Variants in ZNF749 observed in about 807,000 individuals in gnomAD.
ZNF749 encodes the protein zinc finger protein 749.
ZNF749 carries 8 observed loss-of-function variants against 7.3 expected under a neutral mutation model. That is an observed-to-expected ratio of 1.10 (90% CI 0.64 to 1.98). The LOEUF is 1.98. Ranked by LOEUF, ZNF749 falls within the 30% of genes most tolerant of loss-of-function variation. The pLI is 0.00. For missense variants in ZNF749, 898 were observed against 932.4 expected (o/e 0.96, Z 0.48); for synonymous variants, 310 against 322.4 (o/e 0.96, Z 0.41).
chr19:57,441,164 A>C (rs2088985323), intron 1 of ZNF749, among the ~76,000 whole-genome samples: 1 of 149,104 alleles, frequency 6.7e-6, no homozygotes, highest in Non-Finnish European at 1.5e-5. Context: ...TGGGCTAGGC[A>C]TTGATGATGC....
rs550646619 is a variant in ZNF749, at chr19:57,442,043, T to G, written c.142+32T>G. Reference sequence around the variant, plus strand: ...CCTTCATACCTACTCTGGTGTCTTGTGCTGGGTGCTGTTTTTTTGCTCTTT... The same window carrying G: ...CCTTCATACCTACTCTGGTGTCTTGGGCTGGGTGCTGTTTTTTTGCTCTTT... On this transcript the variant is annotated intron_variant, in intron 2 of 2. Transcript: ENST00000334181. This position sits in a 1 kb window ranked among gnomAD's most constrained non-coding sequence, Gnocchi z 6.6. 1 of 1,602,068 alleles carries G rather than the reference T, an allele frequency of 6.2e-7. No individual in the cohort carries two copies. The highest frequency in any genetic ancestry group is 1.3e-5 in the African/African-American group (1 of 74,216).
upstream of ZNF749, among the ~76,000 whole-genome samples, chr19:57,434,443 T>C (rs1005102369): frequency 1.3e-5 from 2 of 152,216 alleles, no homozygotes; most frequent in Non-Finnish European, 2.9e-5. Context: ...TCCAGGTCTT[T>C]AGATACAAAC....
rs201895891 is a variant in ZNF749, at chr19:57,443,445, G to A, written c.297G>A (p.Leu99=). Residue 99 remains leucine (L), a synonymous_variant, in exon 3 of 3, where the codon CTG becomes CTA. Coordinates refer to ENST00000334181, the MANE Select transcript of ZNF749 (RefSeq NM_001023561.4). ...CSSILKDILH[L]AEHDGTHPEQ... is the part of the protein sequence containing the mutation. ...CAATTCTGAAGGACATTCTGCACCT[G>A]GCTGAGCACGATGGAACACACCCTG... 5.0e-6 allele frequency: 8 copies of A among 1,614,234 alleles called. No individual in the cohort carries two copies. In the African/African-American group the frequency reaches 6.7e-5, roughly 13 times the overall value.
At position 57,444,733 on chromosome 19, in the gene ZNF749, C is replaced by T; in HGVS notation, c.1585C>T (p.His529Tyr). Residue 529 changes from histidine (H) to tyrosine (Y), a missense_variant, in exon 3 of 3, where the codon CAT becomes TAT. Physicochemically the swap from His to Tyr is moderately conservative, Grantham distance 83. Transcript: ENST00000334181. ...AFVRKSHLVQ[H>Y]EKIHTDAFSK... Reference sequence around the variant, plus strand: ...TGTTAGAAAGTCCCACCTAGTTCAGCATGAGAAAATCCACACTGATGCATT... The same window carrying T: ...TGTTAGAAAGTCCCACCTAGTTCAGTATGAGAAAATCCACACTGATGCATT... 1 of 1,613,756 alleles carries T rather than the reference C, an allele frequency of 6.2e-7. No individual in the cohort carries two copies. The highest frequency in any genetic ancestry group is 8.5e-7 in the Non-Finnish European group (1 of 1,179,862).
At position 57,443,849 on chromosome 19, in the gene ZNF749, G is replaced by A; in HGVS notation, c.701G>A (p.Arg234Lys). The change falls in exon 3 of 3, where the codon AGG becomes AAG. Residue 234 changes from arginine (R) to lysine (K), a missense_variant. Coordinates refer to ENST00000334181, the MANE Select transcript of ZNF749 (RefSeq NM_001023561.4). ...YEFSECGELFRYNSNLIKYQQ... is the reference protein window; with the variant it reads ...YEFSECGELFKYNSNLIKYQQ... ...TTCAGTGAATGTGGGGAATTGTTTA[G>A]GTACAACTCCAACCTTATTAAATAT... 6.2e-7 allele frequency: 1 copy of A among 1,613,554 alleles called. No individual in the cohort carries two copies. Among genetic ancestry groups the A allele is most frequent in the Non-Finnish European group, 8.5e-7 (1 of 1,179,654 alleles).
chr19:57,445,596 G>A lies in ZNF749; in HGVS notation c.*111G>A. 1 of 1,478,160 alleles carries A rather than the reference G, an allele frequency of 6.8e-7. No individual in the cohort carries two copies. Among genetic ancestry groups the A allele is most frequent in the Middle Eastern group, 2.4e-4 (1 of 4,248 alleles). The allele number at this position is 1,478,160 out of a possible 1,614,324, so 91.6% of individuals were successfully genotyped here. On this transcript the variant is annotated 3_prime_UTR_variant, in exon 3 of 3. Transcript: ENST00000334181. ...GTAAATCTAATGTTGAAAGAGTTCA[G>A]ATGGAAATCTGCGAGGATTTCCTGC...
chr19:57,443,861 A>G lies in ZNF749; in HGVS notation c.713A>G (p.Asn238Ser), dbSNP rs145828653. ...ECGELFRYNSNLIKYQQNHAG... is the reference protein window; with the variant it reads ...ECGELFRYNSSLIKYQQNHAG... The stretch of plus-strand genomic sequence containing the variant: ...GGGGAATTGTTTAGGTACAACTCCA[A>G]CCTTATTAAATATCAGCAAAATCAT... Residue 238 changes from asparagine (N) to serine (S), a missense_variant, in exon 3 of 3, where the codon AAC (asparagine) becomes AGC (serine). Transcript: ENST00000334181. 1.2e-4 allele frequency: 198 copies of G among 1,613,700 alleles called. 1 individual carries two copies. Among genetic ancestry groups the G allele is most frequent in the Middle Eastern group, 5.0e-4 (3 of 6,060 alleles).
At chr19:57,440,792 G>T (rs1373306773) in intron 1 of ZNF749, among the ~76,000 whole-genome samples, 3 of 152,056 alleles carry the variant, frequency 2.0e-5, no homozygotes, top group Non-Finnish European at 4.4e-5. Flanking sequence ...TGGGTGTCTG[G>T]GAGGCAAGAT....
Position 57,443,816 on chromosome 19 carries a change from C to G in ZNF749, c.668C>G (p.Pro223Arg), listed in dbSNP as rs149525702. The G allele has an allele frequency of 3.5e-4, 570 of 1,614,022 alleles. 4 individuals are homozygous for G. In the Middle Eastern group the frequency reaches 8.3e-3, roughly 23 times the overall value. The change falls in exon 3 of 3, where the codon CCT becomes CGT. Residue 223 changes from proline (P) to arginine (R), a missense_variant. Physicochemically the swap from Pro to Arg is moderately radical, Grantham distance 103 (BLOSUM62 -2). Coordinates refer to ENST00000334181, the MANE Select transcript of ZNF749 (RefSeq NM_001023561.4). ...EHQKTHNGER[P>R]YEFSECGELF... ...CAAAAAACCCATAATGGGGAGAGGC[C>G]TTATGAGTTCAGTGAATGTGGGGAA... is the stretch of plus-strand genomic sequence containing the variant.
In ZNF749 at chr19:57,445,232, C is replaced by G; in HGVS notation, c.2084C>G (p.Pro695Arg). 1.9e-6 allele frequency: 3 copies of G among 1,613,988 alleles called. No individual in the cohort carries two copies. Among genetic ancestry groups the G allele is most frequent in the Non-Finnish European group, 2.5e-6 (3 of 1,179,902 alleles). ...CATAAAGTTTGCACTGGGGAGAAGC[C>G]TCATGAGTGCAGTAAATGTAGGGAA... is the stretch of plus-strand genomic sequence containing the variant. ...KHHKVCTGEK[P>R]HECSKCRELF... The change falls in exon 3 of 3, where the codon CCT (proline) becomes CGT (arginine). Residue 695 changes from proline to arginine, a missense_variant. Coordinates refer to ENST00000334181, the MANE Select transcript of ZNF749 (RefSeq NM_001023561.4).
the ZNF749 span, among the ~76,000 whole-genome samples, chr19:57,429,058 C>T: frequency 6.6e-6 from 1 of 152,100 alleles, no homozygotes; most frequent in African/African-American, 2.4e-5. The surrounding 1 kb of genome is among the most constrained non-coding windows in gnomAD (Gnocchi z 4.2). Context: ...TAGAGTTTCG[C>T]TCTTGTTGCC....
At position 57,446,313 on chromosome 19, in the gene ZNF749, GT is replaced by G. The variant is rs1456644547; in HGVS notation, c.*832del. ...ATACCTGATGATCTGAGGTGGGACA[GT>G]TTTATTCTGAAACTGTCTGCCCCCT... On this transcript the variant is annotated 3_prime_UTR_variant, in exon 3 of 3. Coordinates refer to ENST00000334181, the MANE Select transcript of ZNF749 (RefSeq NM_001023561.4). Among the ~76,000 whole-genome samples the G allele has an allele frequency of 2.6e-5, 4 of 152,134 alleles. No homozygotes were observed. The highest frequency in any genetic ancestry group is 5.9e-5 in the Non-Finnish European group (4 of 68,030).
intron 1 of ZNF749, among the ~76,000 whole-genome samples, chr19:57,438,774 G>A (rs2088959543): frequency 6.6e-6 from 1 of 152,186 alleles, no homozygotes; most frequent in Non-Finnish European, 1.5e-5. Flanking sequence ...TGAAGACTGT[G>A]GTTCCACGAC....
chr19:57,434,333 G>T (rs1174494946), upstream of ZNF749, among the ~76,000 whole-genome samples: 2 of 152,128 alleles, frequency 1.3e-5, no homozygotes, highest in Admixed American at 6.5e-5. Flanking sequence ...CCAACCTCAG[G>T]TGATCCGCCC....
chr19:57,438,079 T>G (rs979233450), intron 1 of ZNF749: 4 of 398,712 alleles, frequency 1.0e-5, no homozygotes, highest in Non-Finnish European at 1.3e-5. Flanking sequence ...CTGATACTCA[T>G]GGCTTGCTTC....
chr19:57,433,153 T>TGTGA (rs936911757), upstream of ZNF749, among the ~76,000 whole-genome samples: 4 of 135,642 alleles, frequency 2.9e-5, no homozygotes, highest in African/African-American at 1.1e-4. Context: ...TGTGTGTGTG[T>TGTGA]GAAGGGGTTA....
upstream of ZNF749, among the ~76,000 whole-genome samples, chr19:57,431,006 C>G (rs2088896526): frequency 6.9e-6 from 1 of 144,126 alleles, no homozygotes; most frequent in Non-Finnish European, 1.5e-5. Context: ...TGCCACTGCA[C>G]TCCAGCCTGA....
chr19:57,432,594 G>GC (rs1358966634), upstream of ZNF749, among the ~76,000 whole-genome samples: 3 of 142,724 alleles, frequency 2.1e-5, no homozygotes, highest in South Asian at 4.5e-4. Flanking sequence ...AGGTGGGGGG[G>GC]ACTAAACAGA....
intron 1 of ZNF749, among the ~76,000 whole-genome samples, chr19:57,440,699 G>A (rs998263822): frequency 3.9e-5 from 6 of 152,224 alleles, no homozygotes; most frequent in Non-Finnish European, 7.4e-5. Flanking sequence ...TGTCCAAAGC[G>A]AGATGCGAAG....
Sources: allele counts gnomAD v4.1 joint callset (sites outside exome capture counted in the v4.1 genomes callset), GRCh38; gene constraint gnomAD v4.1.1; non-coding constraint Gnocchi (gnomAD v3.1); transcripts MANE v1.5; gene names NCBI Gene and HGNC (gene_info 2026-07-23, HGNC 2026-07-21).